Variants in TRIO observed in about 807,000 individuals in gnomAD.
TRIO encodes the protein triple functional domain protein.
A neutral mutation model predicts 351.9 loss-of-function variants in TRIO; 58 were observed. That is an observed-to-expected ratio of 0.16 (90% CI 0.13 to 0.21). The LOEUF (loss-of-function observed/expected upper bound fraction) is 0.21, where lower values mean the gene tolerates loss of function less well. Among genes scored for constraint, TRIO ranks in the 10% least tolerant of loss-of-function variants. TRIO has a pLI of 1.00. For synonymous variants in TRIO, 1,758 were observed against 1,595.7 expected, an observed-to-expected ratio of 1.10 and a Z score of -2.42; for missense variants, 3,201 against 4,027.8, an observed-to-expected ratio of 0.79 and a Z score of 5.56.
intron 1 of TRIO, among the ~76,000 whole-genome samples, chr5:14,269,638 T>C (rs1795873670): frequency 6.6e-6 from 1 of 152,228 alleles, no homozygotes; most frequent in African/African-American, 2.4e-5. Context: ...CTCTCCCAGC[T>C]TTTGTCATTC....
intron 41 of TRIO, among the ~76,000 whole-genome samples, chr5:14,477,795 A>G (rs1755199654): frequency 6.6e-6 from 1 of 152,234 alleles, no homozygotes; most frequent in South Asian, 2.1e-4. Context: ...AGACTTAGGC[A>G]GATCTTCCAG....
rs1736465289 is a variant in TRIO, at chr5:14,286,604, A to G, written c.348-267A>G. Among the ~76,000 whole-genome samples the G allele has an allele frequency of 6.6e-6, 1 of 152,212 alleles. No individual in the cohort carries two copies. Among genetic ancestry groups the G allele is most frequent in the Non-Finnish European group, 1.5e-5 (1 of 68,042 alleles). Reference sequence around the variant, plus strand: ...GGCATGGTGACCGTTGTTTTCCTGAAAAGAAGACGGGATGCAAAACCATTA... The same window carrying G: ...GGCATGGTGACCGTTGTTTTCCTGAGAAGAAGACGGGATGCAAAACCATTA... On this transcript the variant is annotated intron_variant, in intron 3 of 56. Transcript: ENST00000344204. The surrounding 1 kb of genome is among the most constrained non-coding windows in gnomAD (Gnocchi z 4.4).
chr5:14,470,839 A>G (rs888003832), intron 37 of TRIO, among the ~76,000 whole-genome samples: 2 of 152,318 alleles, frequency 1.3e-5, no homozygotes, highest in East Asian at 1.9e-4. Flanking sequence ...AAACAAACCA[A>G]GTTTGTTGGA....
chr5:14,342,626 CT>C (rs1284727564), intron 11 of TRIO, among the ~76,000 whole-genome samples: 1 of 152,236 alleles, frequency 6.6e-6, no homozygotes, highest in Non-Finnish European at 1.5e-5. Flanking sequence ...CTCCAGATGC[CT>C]TATATCTCTT....
chr5:14,430,689 A>ATTTTATTTTG (rs61545048), intron 34 of TRIO, among the ~76,000 whole-genome samples: 76,413 of 134,690 alleles, frequency 0.57, 22,161 homozygotes, highest in East Asian at 0.89. Context: ...ATTTCGTTTT[A>ATTTTATTTTG]TTTTATTTTA....
intron 33 of TRIO, among the ~76,000 whole-genome samples, chr5:14,413,491 G>A (rs868366834): frequency 3.3e-5 from 5 of 152,232 alleles, no homozygotes; most frequent in Admixed American, 6.5e-5. Context: ...ACAGAGCCCC[G>A]CTCCCCTGGC....
At chr5:14,444,327 T>G (rs1057204254) in intron 34 of TRIO, among the ~76,000 whole-genome samples, 3 of 152,248 alleles carry the variant, frequency 2.0e-5, no homozygotes, top group Non-Finnish European at 4.4e-5. Context: ...ACCACAGAAG[T>G]ACTTGTCACA....
intron 1 of TRIO, among the ~76,000 whole-genome samples, chr5:14,262,750 G>A (rs565089450): frequency 6.6e-5 from 10 of 152,142 alleles, no homozygotes; most frequent in South Asian, 6.2e-4. Flanking sequence ...GTTTGGCCAC[G>A]AGGTCGATGG....
intron 34 of TRIO, chr5:14,420,317 C>T: frequency 2.8e-6 from 1 of 351,248 alleles, no homozygotes; most frequent in Non-Finnish European, 5.3e-6. Flanking sequence ...TTGCTTCCTT[C>T]CTTTATCATC....
chr5:14,466,705 A>G (rs567196010), intron 37 of TRIO, among the ~76,000 whole-genome samples: 1 of 152,348 alleles, frequency 6.6e-6, no homozygotes, highest in Non-Finnish European at 1.5e-5. Context: ...ACCACTGCGA[A>G]TAGTTCTGAT....
intron 1 of TRIO, among the ~76,000 whole-genome samples, chr5:14,162,423 C>T (rs1788522429): frequency 6.6e-6 from 1 of 152,164 alleles, no homozygotes. Flanking sequence ...TTTGTACTGA[C>T]CTTGAGAACA....
Position 14,387,837 on chromosome 5 carries a change from C to T in TRIO, c.3871C>T (p.Arg1291Cys), listed in dbSNP as rs1255705093. ...TAATGAAGAGAAGCGGAAATCTGCC[C>T]GCAGGAAAGAGTAAGCCAGTCTTTC... Reference protein sequence around the residue: ...ELNEEKRKSARRKEFIMAELI... With the variant: ...ELNEEKRKSACRKEFIMAELI... Residue 1291 changes from arginine (R) to cysteine (C), a missense_variant, in exon 23 of 57, where the codon CGC (arginine) becomes TGC (cysteine). This residue lies in a region of TRIO where 201 missense variants were observed against 266.5 expected (regional missense o/e 0.75). Transcript: ENST00000344204. The T allele has an allele frequency of 1.2e-6, 2 of 1,613,836 alleles. No homozygotes were observed. The highest frequency in any genetic ancestry group is 2.2e-5 in the East Asian group (1 of 44,886).
chr5:14,454,655 G>T (rs1753114499), intron 34 of TRIO, among the ~76,000 whole-genome samples: 1 of 152,204 alleles, frequency 6.6e-6, no homozygotes, highest in African/African-American at 2.4e-5. Flanking sequence ...GCTGCCTGCT[G>T]GCAGCTGGGT....
intron 31 of TRIO, among the ~76,000 whole-genome samples, chr5:14,405,302 G>A (rs1480198470): frequency 6.6e-6 from 1 of 152,144 alleles, no homozygotes; most frequent in Non-Finnish European, 1.5e-5. Context: ...TATAAGACGG[G>A]GCTGCAGGAG....
chr5:14,463,013 G>A, intron 36 of TRIO, 88 bp downstream of exon 36: 1 of 1,423,512 alleles, frequency 7.0e-7, no homozygotes, highest in Non-Finnish European at 9.3e-7. Context: ...CCTCATTTCA[G>A]GAGACAGGAG....
chr5:14,375,009 T>G (rs1054975499), intron 19 of TRIO, among the ~76,000 whole-genome samples: 2 of 152,174 alleles, frequency 1.3e-5, no homozygotes, highest in Admixed American at 1.3e-4. Context: ...GAAAAAAAAT[T>G]GTGATAATCA....
At chr5:14,157,138 G>A (rs1788148479) in intron 1 of TRIO, among the ~76,000 whole-genome samples, 1 of 152,178 alleles carries the variant, frequency 6.6e-6, no homozygotes, top group Admixed American at 6.5e-5. Context: ...AGGAGAAGAA[G>A]CTGAGTTCAT....
chr5:14,311,334 C>G (rs1353314487), intron 8 of TRIO, among the ~76,000 whole-genome samples: 3 of 152,206 alleles, frequency 2.0e-5, no homozygotes, highest in Non-Finnish European at 4.4e-5. Context: ...GTAAACTGAT[C>G]TGGTTTTGAA....
Position 14,488,047 on chromosome 5 carries a change from C to G in TRIO, c.7419C>G (p.Phe2473Leu). 6.2e-7 allele frequency: 1 copy of G among 1,607,988 alleles called. No individual in the cohort carries two copies. Among genetic ancestry groups the G allele is most frequent in the Non-Finnish European group, 8.5e-7 (1 of 1,178,236 alleles). ...SAVPSLGKEP[F>L]PPSSPLQKGG... ...TCCCTTCTCTCGGCAAGGAGCCCTT[C>G]CCCCCCAGCAGCCCCCTGCAGAAGG... Residue 2473 changes from phenylalanine to leucine, a missense_variant, in exon 48 of 57, where the codon TTC becomes TTG. Around this residue, in one of 19 missense-constraint regions of TRIO, gnomAD observed 1,089 missense variants for 954.9 expected, o/e 1.14. Coordinates refer to ENST00000344204, the MANE Select transcript of TRIO (RefSeq NM_007118.4).
Sources: gnomAD v4.1 joint callset for allele counts (sites outside exome capture counted in the v4.1 genomes callset) on GRCh38, gnomAD v4.1.1 for gene constraint, gnomAD v4.1.1 regional missense constraint, Gnocchi (gnomAD v3.1) non-coding constraint, MANE v1.5 for transcripts, NCBI Gene and HGNC (gene_info 2026-07-23, HGNC 2026-07-21) for gene names.